MRPS27: variants seen among roughly 807,000 people sequenced by gnomAD.
MRPS27 encodes mitochondrial ribosomal protein S27.
Under a neutral mutation model 48.9 loss-of-function variants are expected in MRPS27, and 43 were observed. The observed-to-expected ratio is 0.88, with a 90% CI of 0.69 to 1.13. The LOEUF is 1.13. MRPS27 is among the 50% of genes most tolerant of loss of function. The pLI, the probability that MRPS27 is intolerant of heterozygous loss-of-function variation, is 0.00. For missense variants in MRPS27, 467 were observed against 476.3 expected (o/e 0.98, Z 0.18); for synonymous variants, 188 against 171.9 (o/e 1.09, Z -0.73).
chr5:72,238,067 G>A lies in MRPS27; in HGVS notation c.343C>T (p.Gln115Ter). ...RNWTIHTWIR[Q>*]CLKYDAQDKA... The stretch of plus-strand genomic sequence containing the variant: ...TCTTGTGCATCATATTTTAGACACT[G>A]CCTAATCCAGGTGTGGATAGTCCAG... The change falls in exon 5 of 11, where the codon CAG (glutamine) becomes TAG (stop). Residue 115 changes from glutamine to a stop codon, truncating the protein, a stop_gained. Transcript: ENST00000261413. LOFTEE classifies it high-confidence loss of function. 2.5e-6 allele frequency: 4 copies of A among 1,613,576 alleles called. No individual in the cohort carries two copies. The highest frequency in any genetic ancestry group is 2.5e-6 in the Non-Finnish European group (3 of 1,179,680).
intron 4 of MRPS27, among the ~76,000 whole-genome samples, chr5:72,246,423 T>C (rs1748514365): frequency 6.6e-6 from 1 of 152,178 alleles, no homozygotes; most frequent in Non-Finnish European, 1.5e-5. Context: ...GATACATGGA[T>C]TCTTTAATGC....
intron 1 of MRPS27, among the ~76,000 whole-genome samples, chr5:72,318,667 G>A (rs1342689524): frequency 6.6e-6 from 1 of 152,164 alleles, no homozygotes; most frequent in Admixed American, 6.5e-5. Context: ...GGTGGCGCAT[G>A]CCTGTAATCT....
At chr5:72,264,558 T>C (rs532324791) in intron 4 of MRPS27, among the ~76,000 whole-genome samples, 8 of 152,268 alleles carry the variant, frequency 5.3e-5, no homozygotes, top group African/African-American at 1.7e-4. Flanking sequence ...ATGAGGTCTT[T>C]GGAGGGGGTG....
chr5:72,234,691 C>T lies in MRPS27; in HGVS notation c.397-494G>A, dbSNP rs182007237. ...TAAGTTTCTAGAATGTTGTGTCATACAACTGAATACTTGAGAATTCAGATT... is the reference window on the plus strand; with the variant it reads ...TAAGTTTCTAGAATGTTGTGTCATATAACTGAATACTTGAGAATTCAGATT... On this transcript the variant is annotated intron_variant, in intron 5 of 10. Transcript: ENST00000261413. Among the ~76,000 whole-genome samples, 5 of 152,218 alleles carry T rather than the reference C, an allele frequency of 3.3e-5. No individual in the cohort carries two copies. The East Asian group carries it at 7.7e-4, about 24-fold the overall frequency.
intron 9 of MRPS27, 105 bp from the exon 10 acceptor site, chr5:72,223,955 G>C: frequency 1.8e-6 from 2 of 1,113,316 alleles, no homozygotes; most frequent in Middle Eastern, 2.8e-4. Flanking sequence ...AGCTCTAAAA[G>C]ACTGTGAAAA....
intron 2 of MRPS27, among the ~76,000 whole-genome samples, chr5:72,304,132 G>C (rs987045535): frequency 6.6e-6 from 1 of 152,144 alleles, no homozygotes; most frequent in Admixed American, 6.5e-5. Context: ...GGATAGTAGA[G>C]TGTGATGAGC....
intron 4 of MRPS27, chr5:72,288,992 A>G (rs1404724701): frequency 6.6e-6 from 1 of 152,214 alleles, no homozygotes; most frequent in African/African-American, 2.4e-5. Flanking sequence ...ATAGCCTTCC[A>G]AGGAACCATT....
At chr5:72,272,102 T>G (rs1187542236) in intron 4 of MRPS27, among the ~76,000 whole-genome samples, 1 of 152,180 alleles carries the variant, frequency 6.6e-6, no homozygotes, top group Non-Finnish European at 1.5e-5. Flanking sequence ...CCTGCCACAT[T>G]TTAAAGATCA....
rs193297495 is a variant in MRPS27 at position 72,222,230 on chromosome 5, T to C, written c.1006-1082A>G. On this transcript the variant is annotated intron_variant, in intron 10 of 10. Transcript: ENST00000261413. ...GATCTCTCTCTGACAACGCTCTCCA[T>C]GTGGGGTTTGAGGCCAACAAGACAG... Among the ~76,000 whole-genome samples, 27 of 152,322 alleles carry C rather than the reference T, an allele frequency of 1.8e-4. No homozygotes were observed. In the East Asian group the frequency reaches 5.0e-3, roughly 28 times the overall value.
intron 10 of MRPS27, among the ~76,000 whole-genome samples, chr5:72,221,609 T>C (rs535766097): frequency 6.6e-6 from 1 of 152,200 alleles, no homozygotes. Context: ...AATTCTAATA[T>C]GCAAACAAAA....
At chr5:72,284,072 A>T (rs1487527182) in intron 4 of MRPS27, among the ~76,000 whole-genome samples, 1 of 152,170 alleles carries the variant, frequency 6.6e-6, no homozygotes, top group African/African-American at 2.4e-5. Flanking sequence ...ATTATGATAT[A>T]TACTTCTTAA....
intron 2 of MRPS27, among the ~76,000 whole-genome samples, chr5:72,301,268 G>A (rs1310961392): frequency 6.6e-6 from 1 of 152,162 alleles, no homozygotes; most frequent in African/African-American, 2.4e-5. Context: ...ATCTTAAAGG[G>A]ATTGAAGCCA....
At chr5:72,307,326 T>A (rs1253904018) in intron 2 of MRPS27, among the ~76,000 whole-genome samples, 1 of 152,060 alleles carries the variant, frequency 6.6e-6, no homozygotes, top group Non-Finnish European at 1.5e-5. Context: ...CACTCCAACC[T>A]GGGCGACAAG....
At chr5:72,269,929 A>G (rs1749192658) in intron 4 of MRPS27, among the ~76,000 whole-genome samples, 1 of 152,152 alleles carries the variant, frequency 6.6e-6, no homozygotes, top group Admixed American at 6.5e-5. Context: ...GCGGTGGCTC[A>G]CGCCTGTAAT....
At chr5:72,262,447 C>T (rs1318266701) in intron 4 of MRPS27, among the ~76,000 whole-genome samples, 3 of 152,086 alleles carry the variant, frequency 2.0e-5, no homozygotes, top group Non-Finnish European at 4.4e-5. Flanking sequence ...CAAAGCTCAG[C>T]AAACAGAATT....
chr5:72,243,766 T>C (rs1294101797), intron 4 of MRPS27, among the ~76,000 whole-genome samples: 1 of 152,226 alleles, frequency 6.6e-6, no homozygotes, highest in Non-Finnish European at 1.5e-5. Flanking sequence ...AATGTCTTTC[T>C]TTAAAAGTTC....
intron 4 of MRPS27, among the ~76,000 whole-genome samples, chr5:72,290,989 G>A (rs139917764): frequency 9.9e-5 from 15 of 152,118 alleles, no homozygotes; most frequent in African/African-American, 3.1e-4. Context: ...AAAATAAAGC[G>A]GAAATGCTCC....
chr5:72,276,678 C>G (rs934254365), intron 4 of MRPS27, among the ~76,000 whole-genome samples: 32 of 151,412 alleles, frequency 2.1e-4, no homozygotes, highest in Non-Finnish European at 1.5e-5. Context: ...TGACAAAGGT[C>G]TAATATCCAG....
At chr5:72,223,019 C>T (rs1050896817) in intron 10 of MRPS27, among the ~76,000 whole-genome samples, 2 of 152,186 alleles carry the variant, frequency 1.3e-5, no homozygotes, top group African/African-American at 2.4e-5. Flanking sequence ...TTTTTTCCCC[C>T]TTTGCACTAG....
Sources: gnomAD v4.1 joint callset for allele counts (sites outside exome capture counted in the v4.1 genomes callset) on GRCh38, gnomAD v4.1.1 for gene constraint, MANE v1.5 for transcripts, NCBI Gene and HGNC (gene_info 2026-07-23, HGNC 2026-07-21) for gene names.